IGDCC3: variants seen among roughly 807,000 people sequenced by gnomAD.
IGDCC3 encodes immunoglobulin superfamily DCC subclass member 3, also known as putative neuronal cell adhesion molecule.
IGDCC3 carries 47 observed loss-of-function variants against 72.0 expected under a neutral mutation model. That is an observed-to-expected ratio of 0.65 (90% CI 0.52 to 0.83). The LOEUF is 0.83. Among genes scored for constraint, IGDCC3 ranks in the 40% least tolerant of loss-of-function variants. The pLI is 0.00. For missense variants in IGDCC3, 1,038 were observed against 1,091.3 expected (o/e 0.95, Z 0.69); for synonymous variants, 477 against 472.8 (o/e 1.01, Z -0.11).
intron 2 of IGDCC3, among the ~76,000 whole-genome samples, chr15:65,374,544 C>T (rs887718776): frequency 6.6e-6 from 1 of 152,094 alleles, no homozygotes; most frequent in Non-Finnish European, 1.5e-5. Flanking sequence ...GGAGTGATGT[C>T]ATCATTGAGA....
At chr15:65,346,810 C>G (rs537918629) in intron 2 of IGDCC3, among the ~76,000 whole-genome samples, 3 of 152,218 alleles carry the variant, frequency 2.0e-5, no homozygotes, top group African/African-American at 4.8e-5. Flanking sequence ...AGGGCAAAGC[C>G]CCTCTTTGAG....
At chr15:65,358,385 C>T (rs2091239440) in intron 2 of IGDCC3, among the ~76,000 whole-genome samples, 1 of 152,116 alleles carries the variant, frequency 6.6e-6, no homozygotes, top group African/African-American at 2.4e-5. Context: ...GGATTAGAGA[C>T]ATGAGACACT....
chr15:65,329,144 T>A lies in IGDCC3; in HGVS notation c.2210A>T (p.Asp737Val). The A allele has an allele frequency of 6.2e-7, 1 of 1,605,096 alleles. No homozygotes were observed. Among genetic ancestry groups the A allele is most frequent in the Non-Finnish European group, 8.5e-7 (1 of 1,176,826 alleles). ...CTCACACGGAGCGGGGGCTGCAGGA[T>A]CCTGCTGGGGAAAGAGCCCGTCACA... Reference protein sequence around the residue: ...AGQPDPRPTQDPAAPAPCEET... With the variant: ...AGQPDPRPTQVPAAPAPCEET... The change falls in exon 14 of 14, where the codon GAT (aspartate) becomes GTT (valine). Residue 737 changes from aspartate to valine, a missense_variant. Asp to Val is a radical substitution (Grantham distance 152). Coordinates refer to ENST00000327987, the MANE Select transcript of IGDCC3 (RefSeq NM_004884.4). This position sits in a 1 kb window ranked among gnomAD's most constrained non-coding sequence, Gnocchi z 4.1.
intron 2 of IGDCC3, among the ~76,000 whole-genome samples, chr15:65,364,858 G>A (rs1390421594): frequency 1.3e-5 from 2 of 152,126 alleles, no homozygotes; most frequent in South Asian, 4.2e-4. Flanking sequence ...TCCAGCCTGG[G>A]TGACAGAGTG....
chr15:65,372,124 G>A (rs1032380870), intron 2 of IGDCC3, among the ~76,000 whole-genome samples: 1 of 152,162 alleles, frequency 6.6e-6, no homozygotes, highest in Admixed American at 6.5e-5. Context: ...CCATGTCAGT[G>A]AAACCACCTT....
chr15:65,358,954 T>C (rs2091243678), intron 2 of IGDCC3, among the ~76,000 whole-genome samples: 1 of 152,118 alleles, frequency 6.6e-6, no homozygotes, highest in African/African-American at 2.4e-5. Flanking sequence ...GCCTCCCGAG[T>C]AGCTTGTATT....
At chr15:65,334,449 C>G in intron 5 of IGDCC3, 1 of 418,856 alleles carries the variant, frequency 2.4e-6, no homozygotes, top group Non-Finnish European at 4.2e-6. Context: ...CTGGGGTCCC[C>G]GAGGCCAGGG....
Position 65,371,727 on chromosome 15 carries a change from G to A in IGDCC3, c.409+3370C>T, listed in dbSNP as rs74785030. On this transcript the variant is annotated intron_variant, in intron 2 of 13. Coordinates refer to ENST00000327987, the MANE Select transcript of IGDCC3 (RefSeq NM_004884.4). Reference sequence around the variant, plus strand: ...GGAAAGAGGGGCAGGGATTGAGGGTGGCAGGGACTCGGGGTAGGTCCCCCA... The same window carrying A: ...GGAAAGAGGGGCAGGGATTGAGGGTAGCAGGGACTCGGGGTAGGTCCCCCA... 9.8e-3 allele frequency among the ~76,000 whole-genome samples: 1,490 copies of A among 152,328 alleles called. 31 individuals are homozygous for A. Among genetic ancestry groups the A allele is most frequent in the African/African-American group, 0.033 (1,364 of 41,560 alleles).
rs532770489 is a variant in IGDCC3, at chr15:65,352,655, T to TA, written c.410-16700dup. 2.0e-3 allele frequency among the ~76,000 whole-genome samples: 302 copies of TA among 152,302 alleles called. 1 individual carries two copies. Among genetic ancestry groups the TA allele is most frequent in the African/African-American group, 7.1e-3 (294 of 41,564 alleles). ...ACAAGCCCATGGCAGGGCTCAGCTT[T>TA]AAAAAAGTCTCATCTAAGGTTCCTT... On this transcript the variant is annotated intron_variant, in intron 2 of 13. Coordinates refer to ENST00000327987, the MANE Select transcript of IGDCC3 (RefSeq NM_004884.4).
chr15:65,335,871 A>G lies in IGDCC3; in HGVS notation c.495T>C (p.Leu165=). Residue 165 remains leucine, a synonymous_variant, in exon 3 of 14, where the codon CTT becomes CTC. Coordinates refer to ENST00000327987, the MANE Select transcript of IGDCC3 (RefSeq NM_004884.4). ...TCTCCCAAGTGATCAGGGGTTTGGG[A>G]AGCCCATGGATTTGGCACTGGAAGC... ...VARFQCQIHG[L]PKPLITWEKN... 6.2e-7 allele frequency: 1 copy of G among 1,614,168 alleles called. No individual in the cohort carries two copies. The highest frequency in any genetic ancestry group is 8.5e-7 in the Non-Finnish European group (1 of 1,180,012).
chr15:65,348,845 T>A (rs2091148669), intron 2 of IGDCC3, among the ~76,000 whole-genome samples: 1 of 152,186 alleles, frequency 6.6e-6, no homozygotes, highest in Non-Finnish European at 1.5e-5. Context: ...CTGATGGCTG[T>A]GGGTGACAGG....
chr15:65,329,586 C>T lies in IGDCC3; in HGVS notation c.2009G>A (p.Cys670Tyr), dbSNP rs1332864317. The change falls in exon 13 of 14, where the codon TGT (cysteine) becomes TAT (tyrosine). Residue 670 changes from cysteine to tyrosine, a missense_variant. Cys to Tyr is a radical substitution (Grantham distance 194). Coordinates refer to ENST00000327987, the MANE Select transcript of IGDCC3 (RefSeq NM_004884.4). This position sits in a 1 kb window ranked among gnomAD's most constrained non-coding sequence, Gnocchi z 4.1. ...LFGQRGRVLL[C>Y]KDVENQLSPP... is the part of the protein sequence containing the mutation. ...GGACAGCTGGTTTTCCACATCTTTACACAGGAGGACCCTAAGGGTTAGCCA... is the reference window on the plus strand; with the variant it reads ...GGACAGCTGGTTTTCCACATCTTTATACAGGAGGACCCTAAGGGTTAGCCA... 2.5e-6 allele frequency: 4 copies of T among 1,613,058 alleles called. No homozygotes were observed. In the South Asian group the frequency reaches 4.4e-5, roughly 18 times the overall value.
rs764957108 is a variant in IGDCC3, at chr15:65,334,771, G to C, written c.780C>G (p.Val260=). 3.1e-6 allele frequency: 5 copies of C among 1,605,756 alleles called. No homozygotes were observed. The highest frequency in any genetic ancestry group is 4.3e-6 in the Non-Finnish European group (5 of 1,176,318). ...CAATGGGGCGCGGGTTGCCCGTGGC[G>C]ACACACTCAAGCACCGCGGTCTGGT... ...TVHQTAVLEC[V]ATGNPRPIVS... is the part of the protein sequence containing the mutation. Residue 260 remains valine (V), a synonymous_variant, in exon 5 of 14, where the codon GTC becomes GTG. Transcript: ENST00000327987.
chr15:65,329,975 G>A lies in IGDCC3; in HGVS notation c.1859-111C>T. On this transcript the variant is annotated intron_variant, in intron 11 of 13. Transcript: ENST00000327987. This position sits in a 1 kb window ranked among gnomAD's most constrained non-coding sequence, Gnocchi z 4.1. The stretch of plus-strand genomic sequence containing the variant: ...CAGCTGCTCCCACTCCCAAGTGGGA[G>A]TGGGAACATCCTTTGACTTTGCCTA... 1 of 1,191,568 alleles carries A rather than the reference G, an allele frequency of 8.4e-7. No individual in the cohort carries two copies. The highest frequency in any genetic ancestry group is 1.2e-6 in the Non-Finnish European group (1 of 826,202). The allele number at this position is 1,191,568 out of a possible 1,614,324, so 73.8% of individuals were successfully genotyped here.
Position 65,367,588 on chromosome 15 carries a change from C to T in IGDCC3, c.409+7509G>A, listed in dbSNP as rs531299177. 3.1e-4 allele frequency among the ~76,000 whole-genome samples: 47 copies of T among 152,152 alleles called. No homozygotes were observed. The South Asian group carries it at 7.3e-3, about 24-fold the overall frequency. ...ATGGCCCAGACTCCTGGAGGGGCTACGGCCACACCCAAACACCCCAAATGT... is the reference window on the plus strand; with the variant it reads ...ATGGCCCAGACTCCTGGAGGGGCTATGGCCACACCCAAACACCCCAAATGT... On this transcript the variant is annotated intron_variant, in intron 2 of 13. Coordinates refer to ENST00000327987, the MANE Select transcript of IGDCC3 (RefSeq NM_004884.4).
intron 2 of IGDCC3, among the ~76,000 whole-genome samples, chr15:65,349,477 G>A (rs539488332): frequency 1.3e-5 from 2 of 152,276 alleles, no homozygotes; most frequent in African/African-American, 2.4e-5. Flanking sequence ...TGATTAATGC[G>A]AAAAAGAATT....
chr15:65,349,250 GA>G (rs546003323), intron 2 of IGDCC3, among the ~76,000 whole-genome samples: 1 of 150,998 alleles, frequency 6.6e-6, no homozygotes, highest in South Asian at 2.1e-4. Flanking sequence ...TGGCCAGAAT[GA>G]AAAAAAAATA....
intron 2 of IGDCC3, among the ~76,000 whole-genome samples, chr15:65,346,348 T>G (rs1478733674): frequency 6.6e-6 from 1 of 152,206 alleles, no homozygotes; most frequent in Non-Finnish European, 1.5e-5. Context: ...TCTAGCCCAC[T>G]GGGTTGTATA....
At chr15:65,330,964 C>T (rs2090972068) in intron 9 of IGDCC3, 86 bp downstream of exon 9, 2 of 1,502,332 alleles carry the variant, frequency 1.3e-6, no homozygotes, top group Non-Finnish European at 9.1e-7. Flanking sequence ...CTGCACAGCG[C>T]ACAACCAGAA....
Sources: allele counts gnomAD v4.1 joint callset (sites outside exome capture counted in the v4.1 genomes callset), GRCh38; gene constraint gnomAD v4.1.1; non-coding constraint Gnocchi (gnomAD v3.1); transcripts MANE v1.5; gene names NCBI Gene and HGNC (gene_info 2026-07-23, HGNC 2026-07-21).